The following SHE variants were observed in gnomAD, a reference collection of about 807,000 sequenced individuals.
The protein encoded by SHE is SH2 domain-containing adapter protein E.
In SHE, 11 loss-of-function variants were observed where a neutral mutation model predicts 49.8. That is an observed-to-expected ratio of 0.22 (90% CI 0.14 to 0.37). The LOEUF is 0.37. SHE is among the 10% of genes least tolerant of loss of function. The pLI is 1.00. For missense variants in SHE, 624 were observed against 655.5 expected, an observed-to-expected ratio of 0.95 and a Z score of 0.52; for synonymous variants, 310 against 278.1, an observed-to-expected ratio of 1.11 and a Z score of -1.14.
intron 1 of SHE, among the ~76,000 whole-genome samples, chr1:154,500,810 C>G (rs910566760): frequency 4.6e-5 from 7 of 152,210 alleles, no homozygotes; most frequent in African/African-American, 9.7e-5. Context: ...TTGTCATATT[C>G]TGTATCCTCC....
intron 1 of SHE, among the ~76,000 whole-genome samples, chr1:154,470,900 C>A (rs1009074122): frequency 2.6e-5 from 4 of 151,136 alleles, no homozygotes; most frequent in Admixed American, 6.6e-5. Context: ...ATTCCAGCTA[C>A]TAGGGAGGCT....
Position 154,501,808 on chromosome 1 carries a change from G to C in SHE, c.219C>G (p.Gly73=). 1 of 1,551,636 alleles carries C rather than the reference G, an allele frequency of 6.4e-7. No homozygotes were observed. The highest frequency in any genetic ancestry group is 1.9e-5 in the Admixed American group (1 of 53,756). The change falls in exon 1 of 6, where the codon GGC becomes GGG. Residue 73 remains glycine (G), a synonymous_variant. Transcript: ENST00000304760. Reference sequence around the variant, plus strand: ...GGCCCTTGCCAGGACCCGGCCCAGCGCCGCCCGCCTCCGAGTTCTTGCGCA... The same window carrying C: ...GGCCCTTGCCAGGACCCGGCCCAGCCCCGCCCGCCTCCGAGTTCTTGCGCA... ...GKLRKNSEAG[G]AGPGPGKGRK... is the part of the protein sequence containing the mutation.
chr1:154,502,032 G>A lies in SHE; in HGVS notation c.-6C>T. ...GGGGTCGGGGACCACTGCATTCCCC[G>A]TGACTGGGGCGCTGGAGGCCGCGGC... is the stretch of plus-strand genomic sequence containing the variant. On this transcript the variant is annotated 5_prime_UTR_variant, in exon 1 of 6. The change creates a new upstream start codon in the 5' untranslated region. Coordinates refer to ENST00000304760, the MANE Select transcript of SHE (RefSeq NM_001010846.3). The A allele has an allele frequency of 7.6e-7, 1 of 1,310,630 alleles. No homozygotes were observed. Among genetic ancestry groups the A allele is most frequent in the Non-Finnish European group, 9.7e-7 (1 of 1,035,008 alleles). 81.2% of individuals were successfully genotyped at this position (1,310,630 alleles called of 1,614,324 possible).
intron 3 of SHE, among the ~76,000 whole-genome samples, chr1:154,487,871 A>G (rs1571050233): frequency 6.7e-6 from 1 of 149,152 alleles, no homozygotes; most frequent in South Asian, 2.1e-4. Context: ...AAAAAAAAAG[A>G]AAAAAACTGA....
chr1:154,497,264 G>A (rs1312581407), intron 2 of SHE, among the ~76,000 whole-genome samples: 1 of 152,216 alleles, frequency 6.6e-6, no homozygotes. Flanking sequence ...ACTCTTCTGA[G>A]ACTATACTTA....
chr1:154,499,340 C>T (rs950110499), intron 1 of SHE, 102 bp from the exon 2 acceptor site: 6 of 1,342,546 alleles, frequency 4.5e-6, no homozygotes, highest in Non-Finnish European at 5.1e-6. Context: ...CCAAGGAGGT[C>T]AAAATCTCTA....
At chr1:154,472,419 G>C (rs562748713) in intron 1 of SHE, among the ~76,000 whole-genome samples, 2 of 152,298 alleles carry the variant, frequency 1.3e-5, no homozygotes, top group East Asian at 3.9e-4. Flanking sequence ...AGTTCAATAG[G>C]TCTGAGCTGG....
chr1:154,486,587 G>A lies in SHE; in HGVS notation c.1121C>T (p.Ala374Val). ...KSWTQKILKPALSDHSEGEKV... is the reference protein window; with the variant it reads ...KSWTQKILKPVLSDHSEGEKV... ...CTCTCCCTCACTGTGGTCCGAGAGG[G>A]CTGGCTTCAGGATCTTCTGGGTCCA... The change falls in exon 4 of 6, where the codon GCC becomes GTC. Residue 374 changes from alanine (A) to valine (V), a missense_variant. Coordinates refer to ENST00000304760, the MANE Select transcript of SHE (RefSeq NM_001010846.3). 1 of 1,614,172 alleles carries A rather than the reference G, an allele frequency of 6.2e-7. No individual in the cohort carries two copies. The highest frequency in any genetic ancestry group is 1.7e-5 in the Admixed American group (1 of 60,020).
At chr1:154,490,163 C>T (rs1311974765) in intron 2 of SHE, among the ~76,000 whole-genome samples, 1 of 152,192 alleles carries the variant, frequency 6.6e-6, no homozygotes, top group African/African-American at 2.4e-5. Flanking sequence ...TTTCAATAAA[C>T]TGGGGGAAGC....
intron 2 of SHE, among the ~76,000 whole-genome samples, chr1:154,494,402 T>TG (rs1239431991): frequency 7.1e-5 from 10 of 140,300 alleles, no homozygotes; most frequent in South Asian, 6.6e-4. Flanking sequence ...TTTTTAGAGA[T>TG]GGGGTCTCAC....
Position 154,489,044 on chromosome 1 carries a change from C to T in SHE, c.1024+7G>A. On this transcript the variant is annotated splice_region_variant and intron_variant, in intron 3 of 5. Transcript: ENST00000304760. ...ACACTGGGGCGGGCCTGGCCTGGCG[C>T]CCTCACCTGACAGAGCCCGCACGAT... 6.4e-7 allele frequency: 1 copy of T among 1,550,812 alleles called. No individual in the cohort carries two copies. The highest frequency in any genetic ancestry group is 2.2e-4 in the Middle Eastern group (1 of 4,512).
At chr1:154,474,958 G>A (rs1691841766), downstream of SHE, among the ~76,000 whole-genome samples, 1 of 152,202 alleles carries the variant, frequency 6.6e-6, no homozygotes, top group Non-Finnish European at 1.5e-5. Flanking sequence ...GGTACAAGAG[G>A]AACCAATGTC....
In SHE at chr1:154,480,384, A is replaced by C. The variant is rs535782210; in HGVS notation, c.*3765T>G. 88 of 985,426 alleles carry C rather than the reference A, an allele frequency of 8.9e-5. 1 individual carries two copies. The African/African-American group carries it at 1.5e-3, about 17-fold the overall frequency. The allele number at this position is 985,426 out of a possible 1,614,324, so 61.0% of individuals were successfully genotyped here. A position where few individuals can be genotyped will look rare whatever the true frequency, so the allele number is the denominator to read the frequency against. ...ATCTGACAGAACAGAAACTAACCCC[A>C]CTTAACCCGCAACTGAAGAATGCCT... is the stretch of plus-strand genomic sequence containing the variant. On this transcript the variant is annotated 3_prime_UTR_variant, in exon 6 of 6. Coordinates refer to ENST00000304760, the MANE Select transcript of SHE (RefSeq NM_001010846.3).
chr1:154,490,016 T>C (rs951305922), intron 2 of SHE, among the ~76,000 whole-genome samples: 2 of 152,216 alleles, frequency 1.3e-5, no homozygotes, highest in African/African-American at 2.4e-5. Flanking sequence ...CATATCACTT[T>C]TGCACCACTG....
In SHE at chr1:154,480,055, G is replaced by A; in HGVS notation, c.*4094C>T. The A allele has an allele frequency of 1.0e-6, 1 of 985,514 alleles. No homozygotes were observed. Among genetic ancestry groups the A allele is most frequent in the Non-Finnish European group, 1.2e-6 (1 of 829,954 alleles). The allele number at this position is 985,514 out of a possible 1,614,324, so 61.0% of individuals were successfully genotyped here. The stretch of plus-strand genomic sequence containing the variant: ...CTCTCTTCACACAGGGTCAGCGGTG[G>A]AGGGTAAGTTGAACAGAAGGCCCAC... On this transcript the variant is annotated 3_prime_UTR_variant, in exon 6 of 6. Coordinates refer to ENST00000304760, the MANE Select transcript of SHE (RefSeq NM_001010846.3).
intron 2 of SHE, among the ~76,000 whole-genome samples, chr1:154,496,643 C>T (rs1455737380): frequency 6.6e-6 from 1 of 152,110 alleles, no homozygotes; most frequent in Non-Finnish European, 1.5e-5. Context: ...TAAAATGTCT[C>T]CTTAACACAG....
chr1:154,471,707 G>C lies in SHE; in HGVS notation c.103-1345C>G, dbSNP rs528201099. On this transcript the variant is annotated intron_variant, in intron 1 of 1. Transcript: ENST00000486773. ...TCTCTCTCTCTCTCTCTCTCTCTCT[G>C]TGTGTGTGTGTAAGCATTCACACTA... 3.0e-3 allele frequency among the ~76,000 whole-genome samples: 425 copies of C among 141,692 alleles called. 3 individuals are homozygous for C. Among genetic ancestry groups the C allele is most frequent in the African/African-American group, 9.4e-3 (375 of 40,018 alleles). The allele number at this position is 141,692 out of a possible 152,430, so 93.0% of individuals were successfully genotyped here. A position where few individuals can be genotyped will look rare whatever the true frequency, so the allele number is the denominator to read the frequency against.
At chr1:154,471,074 A>AG (rs1444068968) in intron 1 of SHE, among the ~76,000 whole-genome samples, 2 of 151,864 alleles carry the variant, frequency 1.3e-5, no homozygotes, top group African/African-American at 4.8e-5. Context: ...CACTGCTGTA[A>AG]GGGCTGGGGC....
intron 1 of SHE, among the ~76,000 whole-genome samples, chr1:154,470,754 C>T (rs1379502723): frequency 7.2e-5 from 11 of 152,010 alleles, no homozygotes; most frequent in African/African-American, 2.7e-4. Flanking sequence ...GCAGGAGAAT[C>T]GCTTGAACCT....
Sources: allele counts gnomAD v4.1 joint callset (sites outside exome capture counted in the v4.1 genomes callset), GRCh38; gene constraint gnomAD v4.1.1; transcripts MANE v1.5; gene names NCBI Gene and HGNC (gene_info 2026-07-23, HGNC 2026-07-21).